The following ENTREP2 variants were observed in gnomAD, a reference collection of about 807,000 sequenced individuals.
ENTREP2 encodes the protein protein ENTREP2.
chr15:29,623,448 GAC>G, the ENTREP2 span, among the ~76,000 whole-genome samples: 6 of 152,200 alleles, frequency 3.9e-5, no homozygotes, highest in East Asian at 3.9e-4. Flanking sequence ...CTGGGGTTTA[GAC>G]ACAGAGTTAG....
the ENTREP2 span, among the ~76,000 whole-genome samples, chr15:29,642,267 G>A: frequency 0.046 from 7,037 of 151,978 alleles, 185 homozygotes; most frequent in South Asian, 0.066. Context: ...TCAAGACAGC[G>A]TGGTATTGGC....
At chr15:29,378,763 T>C in the ENTREP2 span, among the ~76,000 whole-genome samples, 1 of 150,078 alleles carries the variant, frequency 6.7e-6, no homozygotes, top group East Asian at 1.9e-4. Context: ...ATATATAAAA[T>C]TTATAACCTA....
chr15:29,390,789 C>G, the ENTREP2 span, among the ~76,000 whole-genome samples: 1 of 152,212 alleles, frequency 6.6e-6, no homozygotes, highest in Non-Finnish European at 1.5e-5. Flanking sequence ...ATCATAAAGT[C>G]TGGTCCAAAG....
chr15:29,128,004 C>T, the ENTREP2 span, among the ~76,000 whole-genome samples: 6 of 152,234 alleles, frequency 3.9e-5, no homozygotes, highest in Non-Finnish European at 7.3e-5. Flanking sequence ...CTACAACCCC[C>T]GGTGGCCTCA....
the ENTREP2 span, among the ~76,000 whole-genome samples, chr15:29,330,362 C>T: frequency 6.6e-6 from 1 of 151,856 alleles, no homozygotes; most frequent in African/African-American, 2.4e-5. Context: ...GGCAGGAGAA[C>T]CGTTTGAACC....
At chr15:29,601,191 C>T in the ENTREP2 span, among the ~76,000 whole-genome samples, 1 of 148,870 alleles carries the variant, frequency 6.7e-6, no homozygotes, top group Non-Finnish European at 1.5e-5. Context: ...GCCACCGCGC[C>T]CGGCCTGATT....
At chr15:29,490,097 G>A in the ENTREP2 span, among the ~76,000 whole-genome samples, 3 of 152,172 alleles carry the variant, frequency 2.0e-5, no homozygotes, top group African/African-American at 7.2e-5. Flanking sequence ...TTCTGTATGT[G>A]CGGAATTGGT....
At chr15:29,243,072 C>T in the ENTREP2 span, among the ~76,000 whole-genome samples, 9 of 152,206 alleles carry the variant, frequency 5.9e-5, no homozygotes, top group South Asian at 6.2e-4. Flanking sequence ...TGCTGGACAG[C>T]GCTCCGAGTC....
At chr15:29,192,858 A>T in the ENTREP2 span, among the ~76,000 whole-genome samples, 1 of 152,218 alleles carries the variant, frequency 6.6e-6, no homozygotes, top group East Asian at 1.9e-4. Flanking sequence ...GAAGAAGATA[A>T]TGTATAGCAA....
chr15:29,273,530 A>T, the ENTREP2 span, among the ~76,000 whole-genome samples: 1 of 152,114 alleles, frequency 6.6e-6, no homozygotes, highest in Non-Finnish European at 1.5e-5. Flanking sequence ...TCGTGTGATG[A>T]TTAATGTGGA....
At chr15:29,338,137 C>T in the ENTREP2 span, among the ~76,000 whole-genome samples, 5 of 152,070 alleles carry the variant, frequency 3.3e-5, no homozygotes, top group African/African-American at 1.2e-4. Context: ...CCCAACCAAC[C>T]TCACAGGGAG....
At chr15:29,311,687 C>T in the ENTREP2 span, among the ~76,000 whole-genome samples, 1 of 150,260 alleles carries the variant, frequency 6.7e-6, no homozygotes, top group East Asian at 1.9e-4. Flanking sequence ...GAGACTCCAT[C>T]CCCCCCCCAA....
At chr15:29,225,156 A>G in the ENTREP2 span, among the ~76,000 whole-genome samples, 1 of 152,174 alleles carries the variant, frequency 6.6e-6, no homozygotes, top group Non-Finnish European at 1.5e-5. Context: ...AAGCTAAGGG[A>G]ACAGGCTCCA....
chr15:29,637,659 T>C, the ENTREP2 span, among the ~76,000 whole-genome samples: 1 of 152,140 alleles, frequency 6.6e-6, no homozygotes, highest in Non-Finnish European at 1.5e-5. Flanking sequence ...CACTGCCCAC[T>C]GCAGATGGTA....
the ENTREP2 span, among the ~76,000 whole-genome samples, chr15:29,294,904 T>G: frequency 2.6e-5 from 4 of 152,164 alleles, no homozygotes; most frequent in Non-Finnish European, 4.4e-5. Flanking sequence ...GCTGGGACCC[T>G]GTGGGGAGCC....
chr15:29,196,331 G>A, the ENTREP2 span: 1 of 1,369,434 alleles, frequency 7.3e-7, no homozygotes, highest in Non-Finnish European at 1.0e-6. Context: ...ACCCCGGGAA[G>A]TTAAGAGCTG....
the ENTREP2 span, among the ~76,000 whole-genome samples, chr15:29,618,071 G>A: frequency 1.3e-5 from 2 of 152,164 alleles, no homozygotes; most frequent in South Asian, 4.1e-4. Flanking sequence ...TAGAGTCTTA[G>A]AAATAATGGC....
the ENTREP2 span, among the ~76,000 whole-genome samples, chr15:29,645,466 C>G: frequency 6.6e-6 from 1 of 152,152 alleles, no homozygotes; most frequent in South Asian, 2.1e-4. Flanking sequence ...AGCAATGATG[C>G]CTCCCTGCAA....
chr15:29,533,991 A>G, the ENTREP2 span, among the ~76,000 whole-genome samples: 1 of 151,506 alleles, frequency 6.6e-6, no homozygotes, highest in Non-Finnish European at 1.5e-5. Flanking sequence ...ATGGAGACGC[A>G]TTAGGTGGCA....
Sources: allele counts gnomAD v4.1 joint callset (sites outside exome capture counted in the v4.1 genomes callset), GRCh38; gene constraint gnomAD v4.1.1; transcripts MANE v1.5; gene names NCBI Gene and HGNC (gene_info 2026-07-23, HGNC 2026-07-21).